Variants in ADAM22 observed in about 807,000 individuals in gnomAD.
ADAM22 encodes the protein disintegrin and metalloproteinase domain-containing protein 22.
Under a neutral mutation model 144.6 loss-of-function variants are expected in ADAM22, and 65 were observed. The observed-to-expected ratio is 0.45, with a 90% CI of 0.37 to 0.55. The LOEUF (loss-of-function observed/expected upper bound fraction) is 0.55, where lower values mean the gene tolerates loss of function less well. ADAM22 is among the 20% of genes least tolerant of loss of function. The pLI is 0.00. For missense variants in ADAM22, 974 were observed against 1,184.9 expected (o/e 0.82, Z 2.61); for synonymous variants, 391 against 412.6 (o/e 0.95, Z 0.63).
At chr7:88,146,432 A>G (rs1836448258) in intron 17 of ADAM22, among the ~76,000 whole-genome samples, 1 of 152,142 alleles carries the variant, frequency 6.6e-6, no homozygotes. Flanking sequence ...TTATATCTGA[A>G]TTTCTCAACT....
At chr7:88,060,630 G>T (rs1809537777) in intron 3 of ADAM22, among the ~76,000 whole-genome samples, 1 of 151,842 alleles carries the variant, frequency 6.6e-6, no homozygotes, top group Non-Finnish European at 1.5e-5. Context: ...GCCGGGCATG[G>T]TGGCGGGTGC....
At chr7:87,934,877 T>A in intron 1 of ADAM22, 149 bp from the exon 2 acceptor site, 2 of 1,130,734 alleles carry the variant, frequency 1.8e-6, no homozygotes, top group Non-Finnish European at 2.6e-6. Context: ...CTGGTGTCTC[T>A]GCGTCCTTCC....
chr7:88,152,926 G>A (rs988117213), intron 20 of ADAM22, among the ~76,000 whole-genome samples: 2 of 151,830 alleles, frequency 1.3e-5, no homozygotes, highest in Non-Finnish European at 2.9e-5. Context: ...TGATCTGCCC[G>A]AATTATTGGC....
chr7:88,173,519 T>G (rs1844866875), intron 26 of ADAM22, among the ~76,000 whole-genome samples: 1 of 152,080 alleles, frequency 6.6e-6, no homozygotes. Flanking sequence ...ATGAGTTTCC[T>G]TTTTGAGAAT....
chr7:87,981,247 A>G (rs1853334658), intron 3 of ADAM22, among the ~76,000 whole-genome samples: 1 of 152,196 alleles, frequency 6.6e-6, no homozygotes. Context: ...GATGTGAAAT[A>G]TATAACAATT....
intron 4 of ADAM22, among the ~76,000 whole-genome samples, chr7:88,078,869 A>G (rs1160036266): frequency 2.6e-5 from 4 of 152,208 alleles, no homozygotes; most frequent in African/African-American, 9.6e-5. Flanking sequence ...ATCTACGTCT[A>G]ATTGGTGTAC....
chr7:87,990,586 T>C lies in ADAM22; in HGVS notation c.323+12174T>C, dbSNP rs114148773. Among the ~76,000 whole-genome samples the C allele has an allele frequency of 5.7e-3, 870 of 152,280 alleles. 14 individuals are homozygous for C. The highest frequency in any genetic ancestry group is 0.017 in the African/African-American group (706 of 41,552). On this transcript the variant is annotated intron_variant, in intron 3 of 31. Transcript: ENST00000413139. ...ACAATCACCCTGACTTCTGTGATAA[T>C]CAGTTCAGTGATTTTTCATTATAGT... is the stretch of plus-strand genomic sequence containing the variant.
Position 88,159,017 on chromosome 7 carries a change from TAAAG to T in ADAM22, c.1907+3014_1907+3017del, listed in dbSNP as rs372843654. Among the ~76,000 whole-genome samples, 482 of 151,724 alleles carry T rather than the reference TAAAG, an allele frequency of 3.2e-3. 4 individuals carry two copies. The highest frequency in any genetic ancestry group is 0.011 in the African/African-American group (454 of 41,354). On this transcript the variant is annotated intron_variant, in intron 22 of 31. Transcript: ENST00000413139. The stretch of plus-strand genomic sequence containing the variant: ...TAAGATAGGTCACTAGATAGACTAA[TAAAG>T]AAGAAAAGAGAGAAGATCCAAATTA...
rs4728729 is a variant in ADAM22, at chr7:88,060,594, C to T, written c.324-15032C>T. On this transcript the variant is annotated intron_variant, in intron 3 of 31. Coordinates refer to ENST00000413139, the MANE Select transcript of ADAM22 (RefSeq NM_001324418.2). ...AACCATCCTGGCTAATGGTGAAACC[C>T]GTCTCTACTAAAAATAAAAAAATTA... 9.6e-3 allele frequency among the ~76,000 whole-genome samples: 1,452 copies of T among 150,538 alleles called. 23 individuals carry two copies. Among genetic ancestry groups the T allele is most frequent in the East Asian group, 0.04 (200 of 5,062 alleles).
chr7:88,135,036 G>A (rs1436685503), intron 13 of ADAM22, among the ~76,000 whole-genome samples: 1 of 151,952 alleles, frequency 6.6e-6, no homozygotes, highest in African/African-American at 2.4e-5. Context: ...CACTTTGGGA[G>A]GCTGAGGCAG....
At chr7:87,975,988 C>G (rs530524519) in intron 2 of ADAM22, among the ~76,000 whole-genome samples, 1 of 152,260 alleles carries the variant, frequency 6.6e-6, no homozygotes, top group Non-Finnish European at 1.5e-5. Context: ...ACATTAAAAG[C>G]AACTCTGATG....
chr7:88,103,527 A>C (rs1408981393), intron 4 of ADAM22, among the ~76,000 whole-genome samples: 2 of 152,142 alleles, frequency 1.3e-5, no homozygotes, highest in Non-Finnish European at 2.9e-5. Flanking sequence ...TTTTTTAGCT[A>C]TAACTATGTA....
intron 13 of ADAM22, among the ~76,000 whole-genome samples, chr7:88,134,651 T>G (rs1290975075): frequency 2.6e-5 from 4 of 152,186 alleles, no homozygotes; most frequent in African/African-American, 9.6e-5. Context: ...TGATAATAAA[T>G]TCAAGCTGAA....
intron 9 of ADAM22, among the ~76,000 whole-genome samples, chr7:88,129,864 C>T (rs1195992200): frequency 2.0e-5 from 3 of 152,074 alleles, no homozygotes; most frequent in Admixed American, 6.6e-5. Context: ...TTTTAAAACA[C>T]GATTGAGACC....
At chr7:87,984,980 T>C (rs12704380) in intron 3 of ADAM22, among the ~76,000 whole-genome samples, 78,681 of 151,500 alleles carry the variant, frequency 0.52, 20,712 homozygotes, top group Non-Finnish European at 0.53. Flanking sequence ...CTTAGGAACA[T>C]ATTTGTTGCA....
intron 18 of ADAM22, among the ~76,000 whole-genome samples, chr7:88,149,408 A>G (rs1224068317): frequency 1.3e-5 from 2 of 152,190 alleles, no homozygotes; most frequent in Non-Finnish European, 2.9e-5. Flanking sequence ...GGGACTCACA[A>G]ACACACTGGA....
At chr7:88,113,699 A>AAAAAAT (rs1826761618) in intron 5 of ADAM22, among the ~76,000 whole-genome samples, 1 of 39,460 alleles carries the variant, frequency 2.5e-5, no homozygotes, top group Non-Finnish European at 4.5e-5. Flanking sequence ...TAAATAAATA[A>AAAAAAT]ATAAATATAT....
chr7:88,034,600 G>C (rs1485913227), intron 3 of ADAM22, among the ~76,000 whole-genome samples: 1 of 152,116 alleles, frequency 6.6e-6, no homozygotes, highest in African/African-American at 2.4e-5. Context: ...CACAGCACTA[G>C]GACTTGCTTA....
intron 2 of ADAM22, among the ~76,000 whole-genome samples, chr7:87,935,452 G>A (rs73200358): frequency 0.042 from 6,416 of 152,246 alleles, 188 homozygotes; most frequent in Non-Finnish European, 0.058. Context: ...GAGAACAGGC[G>A]GAGAGCCCTC....
Sources: gnomAD v4.1 joint callset for allele counts (sites outside exome capture counted in the v4.1 genomes callset) on GRCh38, gnomAD v4.1.1 for gene constraint, MANE v1.5 for transcripts, NCBI Gene and HGNC (gene_info 2026-07-23, HGNC 2026-07-21) for gene names.